GPC3: variants seen among roughly 807,000 people sequenced by gnomAD.
The protein encoded by GPC3 is glypican 3.
GPC3 carries 3 observed loss-of-function variants against 34.4 expected under a neutral mutation model. The observed-to-expected ratio is 0.09, with a 90% CI of 0.04 to 0.23. The LOEUF (loss-of-function observed/expected upper bound fraction) is 0.23, where lower values mean the gene tolerates loss of function less well. GPC3 is among the 10% of genes least tolerant of loss of function. The probability of loss-of-function intolerance (pLI) is 1.00; values close to 1 mark genes in which losing one functional copy is unlikely to be tolerated. For synonymous variants in GPC3, 177 were observed against 174.0 expected (o/e 1.02, Z -0.13); for missense variants, 351 against 445.6 (o/e 0.79, Z 1.91).
intron 2 of GPC3, among the ~76,000 whole-genome samples, chrX:133,839,820 C>T (rs1284290730): frequency 9.7e-6 from 1 of 103,437 alleles, no homozygotes; most frequent in Non-Finnish European, 1.9e-5. Flanking sequence ...CCCAGCTACT[C>T]GGGAGGCTGA....
intron 2 of GPC3, among the ~76,000 whole-genome samples, chrX:133,764,664 T>A (rs759505447): frequency 8.9e-6 from 1 of 112,018 alleles, no homozygotes; most frequent in African/African-American, 3.2e-5. Flanking sequence ...ACATGAAAAC[T>A]TGTTTCTTAA....
chrX:133,757,738 T>A (rs986540681), intron 2 of GPC3, among the ~76,000 whole-genome samples: 1 of 111,611 alleles, frequency 9.0e-6, no homozygotes, highest in African/African-American at 3.3e-5. Flanking sequence ...GAACTTTTTA[T>A]GTTCCTGGTA....
At chrX:133,849,896 C>T (rs2075864481) in intron 2 of GPC3, among the ~76,000 whole-genome samples, 1 of 111,908 alleles carries the variant, frequency 8.9e-6, no homozygotes, top group Non-Finnish European at 1.9e-5. Flanking sequence ...CCTCTGACTC[C>T]AAGGAAACTG....
At chrX:133,561,580 C>T (rs2069539409) in intron 7 of GPC3, among the ~76,000 whole-genome samples, 1 of 112,194 alleles carries the variant, frequency 8.9e-6, no homozygotes. Context: ...TGCCCAAGTG[C>T]AAGTAATGGA....
At chrX:133,884,208 T>G (rs1000962033) in intron 2 of GPC3, among the ~76,000 whole-genome samples, 1 of 111,718 alleles carries the variant, frequency 9.0e-6, no homozygotes, top group Non-Finnish European at 1.9e-5. Flanking sequence ...GTGCAGCCAC[T>G]TAACTGCGTT....
At chrX:133,809,938 T>C (rs1361269995) in intron 2 of GPC3, among the ~76,000 whole-genome samples, 2 of 112,052 alleles carry the variant, frequency 1.8e-5, no homozygotes, top group Non-Finnish European at 3.8e-5. Flanking sequence ...TGCCTGTCTA[T>C]CACCAGGGCA....
intron 3 of GPC3, among the ~76,000 whole-genome samples, chrX:133,744,544 AC>A (rs1322524117): frequency 2.7e-5 from 3 of 112,384 alleles, no homozygotes; most frequent in Non-Finnish European, 5.6e-5. Flanking sequence ...AGAAATAGGA[AC>A]ACTTTTACAC....
intron 2 of GPC3, among the ~76,000 whole-genome samples, chrX:133,833,141 GA>G (rs2075783439): frequency 8.9e-6 from 1 of 111,950 alleles, no homozygotes; most frequent in Non-Finnish European, 1.9e-5. Flanking sequence ...GAGGGAAATG[GA>G]TACTGCAGGT....
At chrX:133,625,220 G>A (rs991687700) in intron 6 of GPC3, among the ~76,000 whole-genome samples, 2 of 111,580 alleles carry the variant, frequency 1.8e-5, no homozygotes, top group African/African-American at 6.5e-5. Context: ...TACTGAATGG[G>A]GAAAAACTGG....
chrX:133,914,803 A>G lies in GPC3; in HGVS notation c.337+38247T>C, dbSNP rs772342953. On this transcript the variant is annotated intron_variant, in intron 2 of 7. Coordinates refer to ENST00000370818, the MANE Select transcript of GPC3 (RefSeq NM_004484.4). ...TATGATTATTTCTTTTTTGTAGCAA[A>G]AGATATATATCACTATAATTTTTTG... 4.7e-5 allele frequency among the ~76,000 whole-genome samples: 5 copies of G among 107,071 alleles called. No individual in the cohort carries two copies. The East Asian group carries it at 1.4e-3, about 31-fold the overall frequency. 93.0% of individuals were successfully genotyped at this position (107,071 alleles called of 115,157 possible). A position where few individuals can be genotyped will look rare whatever the true frequency, so the allele number is the denominator to read the frequency against.
At position 133,842,326 on chromosome X, in the gene GPC3, T is replaced by A. The variant is rs1469189625; in HGVS notation, c.338-88150A>T. On this transcript the variant is annotated intron_variant, in intron 2 of 7. Coordinates refer to ENST00000370818, the MANE Select transcript of GPC3 (RefSeq NM_004484.4). Reference sequence around the variant, plus strand: ...GAGTGAGACTGTCTCAAAAAAAAAATAATAATAATAATTAAATTTTTAAAA... The same window carrying A: ...GAGTGAGACTGTCTCAAAAAAAAAAAAATAATAATAATTAAATTTTTAAAA... 7.7e-5 allele frequency among the ~76,000 whole-genome samples: 8 copies of A among 104,548 alleles called. No homozygotes were observed. In the East Asian group the frequency reaches 1.1e-3, roughly 15 times the overall value. The allele number at this position is 104,548 out of a possible 115,157, so 90.8% of individuals were successfully genotyped here. A position where few individuals can be genotyped will look rare whatever the true frequency, so the allele number is the denominator to read the frequency against.
chrX:133,544,059 T>C (rs778961834), intron 7 of GPC3, among the ~76,000 whole-genome samples: 3 of 111,677 alleles, frequency 2.7e-5, no homozygotes, highest in Non-Finnish European at 5.6e-5. Flanking sequence ...GGTGAAACCT[T>C]GTTTCTACAA....
chrX:133,615,535 A>G (rs2070151794), intron 6 of GPC3, among the ~76,000 whole-genome samples: 1 of 110,395 alleles, frequency 9.1e-6, no homozygotes, highest in African/African-American at 3.3e-5. Context: ...GTTCTCACTC[A>G]TAAGTGGGAG....
chrX:133,607,811 G>A (rs1023649359), intron 6 of GPC3, among the ~76,000 whole-genome samples: 5 of 112,340 alleles, frequency 4.5e-5, no homozygotes, highest in African/African-American at 1.6e-4. Flanking sequence ...TGAGGGAGGA[G>A]GGCAAAGTCA....
intron 3 of GPC3, among the ~76,000 whole-genome samples, chrX:133,705,300 A>AGGTAATC (rs57881533): frequency 0.042 from 4,676 of 110,722 alleles, 260 homozygotes; most frequent in African/African-American, 0.14. Flanking sequence ...CCCCAGGCTC[A>AGGTAATC]GGTAATCCTC....
intron 2 of GPC3, among the ~76,000 whole-genome samples, chrX:133,805,069 AG>A (rs2075629142): frequency 1.8e-5 from 2 of 112,360 alleles, no homozygotes; most frequent in African/African-American, 6.5e-5. Context: ...CAGGTTACAC[AG>A]ACGCAGGCAT....
intron 2 of GPC3, among the ~76,000 whole-genome samples, chrX:133,874,914 C>G (rs1177528848): frequency 8.9e-6 from 1 of 111,924 alleles, no homozygotes; most frequent in East Asian, 2.8e-4. Flanking sequence ...GTTTTAGGGT[C>G]TTGCTTTTAA....
At chrX:133,730,734 T>C (rs1385246784) in intron 3 of GPC3, among the ~76,000 whole-genome samples, 1 of 111,725 alleles carries the variant, frequency 9.0e-6, no homozygotes, top group African/African-American at 3.2e-5. Flanking sequence ...AATTTGAATA[T>C]TTTTAGGTAG....
chrX:133,602,156 T>G (rs2124337104), intron 6 of GPC3, among the ~76,000 whole-genome samples: 1 of 111,532 alleles, frequency 9.0e-6, no homozygotes, highest in East Asian at 2.8e-4. Context: ...TTAAGTGAAA[T>G]AAGTCAGGCA....
Sources: allele counts gnomAD v4.1 joint callset (sites outside exome capture counted in the v4.1 genomes callset), GRCh38; gene constraint gnomAD v4.1.1; transcripts MANE v1.5; gene names NCBI Gene and HGNC (gene_info 2026-07-23, HGNC 2026-07-21).